Variants in ISM1 observed in about 807,000 individuals in gnomAD.
ISM1 encodes the protein isthmin 1, also known as isthmin-1.
Under a neutral mutation model 46.3 loss-of-function variants are expected in ISM1, and 25 were observed. That is an observed-to-expected ratio of 0.54 (90% CI 0.39 to 0.75). The LOEUF (loss-of-function observed/expected upper bound fraction) is 0.75, where lower values mean the gene tolerates loss of function less well. ISM1 is among the 30% of genes least tolerant of loss of function. The pLI is 0.00. For synonymous variants in ISM1, 255 were observed against 256.7 expected, an observed-to-expected ratio of 0.99 and a Z score of 0.06; for missense variants, 536 against 625.4, an observed-to-expected ratio of 0.86 and a Z score of 1.52.
In ISM1 at chr20:13,299,332, G is replaced by A. The variant is rs1272328199; in HGVS notation, c.1268G>A (p.Trp423Ter). 2 of 1,613,946 alleles carry A rather than the reference G, an allele frequency of 1.2e-6. No homozygotes were observed. The highest frequency in any genetic ancestry group is 8.5e-7 in the Non-Finnish European group (1 of 1,179,878). The change falls in exon 6 of 6, where the codon TGG (tryptophan) becomes TAG (stop). Residue 423 changes from tryptophan (W) to a stop codon, truncating the protein, a stop_gained. Transcript: ENST00000262487. LOFTEE classifies it high-confidence loss of function. This position sits in a 1 kb window ranked among gnomAD's most constrained non-coding sequence, Gnocchi z 5.8. Reference sequence around the variant, plus strand: ...CACTACAAGGTGGACGTCCTGCCCTGGATTATCTGCAAGGGTGACTGGAGC... The same window carrying A: ...CACTACAAGGTGGACGTCCTGCCCTAGATTATCTGCAAGGGTGACTGGAGC... ...ELHYKVDVLPWIICKGDWSRY... is the reference protein window; with the variant it reads ...ELHYKVDVLP
In ISM1 at chr20:13,269,164, A is replaced by G. The variant is rs76744544; in HGVS notation, c.139-1340A>G. 5.3e-3 allele frequency among the ~76,000 whole-genome samples: 803 copies of G among 152,278 alleles called. 4 individuals carry two copies. Among genetic ancestry groups the G allele is most frequent in the Non-Finnish European group, 9.1e-3 (620 of 68,022 alleles). ...CCAAACCCCAAAACATGCCCAAGAA[A>G]AACAAGAACATTAACCACTGACCCA... is the stretch of plus-strand genomic sequence containing the variant. On this transcript the variant is annotated intron_variant, in intron 1 of 5. Coordinates refer to ENST00000262487, the MANE Select transcript of ISM1 (RefSeq NM_080826.2).
the ISM1 span, among the ~76,000 whole-genome samples, chr20:13,326,105 G>A: frequency 6.6e-6 from 1 of 152,144 alleles, no homozygotes; most frequent in Non-Finnish European, 1.5e-5. Context: ...CTCAGCATAA[G>A]GCCTTTGAGA....
chr20:13,304,443 T>C (rs886554444), downstream of ISM1, among the ~76,000 whole-genome samples: 1 of 152,148 alleles, frequency 6.6e-6, no homozygotes, highest in Non-Finnish European at 1.5e-5. Flanking sequence ...GTCTATAAAT[T>C]GGGGTAAGTC....
chr20:13,298,775 G>C (rs1253459114), intron 5 of ISM1, among the ~76,000 whole-genome samples, 167 bp from the exon 6 acceptor site: 1 of 152,158 alleles, frequency 6.6e-6, no homozygotes, highest in African/African-American at 2.4e-5. Flanking sequence ...CCAGGGGGCT[G>C]CAGGGGTGTC....
At chr20:13,298,024 T>G (rs888659205) in intron 5 of ISM1, among the ~76,000 whole-genome samples, 1 of 152,154 alleles carries the variant, frequency 6.6e-6, no homozygotes, top group African/African-American at 2.4e-5. Context: ...CAAAACTGAG[T>G]CCTATAAATC....
intron 5 of ISM1, among the ~76,000 whole-genome samples, chr20:13,297,819 A>G (rs971794253): frequency 1.3e-5 from 2 of 152,230 alleles, no homozygotes; most frequent in African/African-American, 4.8e-5. Context: ...AAAGAACCAA[A>G]CACAACCCTT....
intron 1 of ISM1, among the ~76,000 whole-genome samples, chr20:13,237,357 T>C (rs1229339627): frequency 1.3e-5 from 2 of 152,164 alleles, no homozygotes; most frequent in African/African-American, 4.8e-5. Flanking sequence ...ATCAACAGAA[T>C]GGATAATAAG....
At chr20:13,305,509 T>C (rs117938006), downstream of ISM1, among the ~76,000 whole-genome samples, 616 of 152,352 alleles carry the variant, frequency 4.0e-3, no homozygotes, top group Non-Finnish European at 7.2e-3. Flanking sequence ...GTCATTCATT[T>C]ACAATTTCCA....
intron 1 of ISM1, among the ~76,000 whole-genome samples, chr20:13,249,034 C>A (rs1313674280): frequency 6.6e-6 from 1 of 152,184 alleles, no homozygotes; most frequent in Non-Finnish European, 1.5e-5. Flanking sequence ...GTTCAGGCCC[C>A]ACGTACATGT....
rs767983720 is a variant in ISM1, at chr20:13,270,635, G to A, written c.270G>A (p.Thr90=). 109 of 1,613,812 alleles carry A rather than the reference G, an allele frequency of 6.8e-5. No homozygotes were observed. In the Admixed American group the frequency reaches 1.6e-3, roughly 23 times the overall value. ...CCAGACCGCGATTCCGACAAGAGACGGGGCACCCTTCATTGCAAAGAGATT... is the reference window on the plus strand; with the variant it reads ...CCAGACCGCGATTCCGACAAGAGACAGGGCACCCTTCATTGCAAAGAGATT... The part of the protein sequence containing the change: ...PFPRPRFRQE[T]GHPSLQRDFP... The change falls in exon 2 of 6, where the codon ACG becomes ACA. Residue 90 remains threonine, a synonymous_variant. Coordinates refer to ENST00000262487, the MANE Select transcript of ISM1 (RefSeq NM_080826.2).
At chr20:13,298,331 T>C (rs1411148682) in intron 5 of ISM1, among the ~76,000 whole-genome samples, 2 of 152,104 alleles carry the variant, frequency 1.3e-5, no homozygotes, top group African/African-American at 4.8e-5. Context: ...GGTCTTAAAC[T>C]CCTGACCTCA....
At chr20:13,289,407 C>T (rs1006304321) in intron 4 of ISM1, among the ~76,000 whole-genome samples, 2 of 152,146 alleles carry the variant, frequency 1.3e-5, no homozygotes, top group African/African-American at 2.4e-5. Flanking sequence ...CAACCTGGGG[C>T]GTCTTGGTAG....
At chr20:13,269,089 G>C (rs894140062) in intron 1 of ISM1, among the ~76,000 whole-genome samples, 3 of 152,160 alleles carry the variant, frequency 2.0e-5, no homozygotes, top group African/African-American at 7.2e-5. Context: ...GAGGCACTGT[G>C]GTGGGGGGCA....
intron 1 of ISM1, among the ~76,000 whole-genome samples, chr20:13,229,175 A>T (rs566210924): frequency 6.6e-6 from 1 of 150,936 alleles, no homozygotes; most frequent in South Asian, 2.1e-4. Flanking sequence ...AAAGTTTTTT[A>T]AAACTACATA....
chr20:13,291,036 G>A (rs1250044062), intron 4 of ISM1, among the ~76,000 whole-genome samples: 1 of 152,206 alleles, frequency 6.6e-6, no homozygotes, highest in Non-Finnish European at 1.5e-5. Flanking sequence ...TTGAAGTCAA[G>A]GTTTGGGGGC....
the ISM1 span, among the ~76,000 whole-genome samples, chr20:13,307,159 T>G: frequency 6.6e-6 from 1 of 152,206 alleles, no homozygotes; most frequent in Non-Finnish European, 1.5e-5. Flanking sequence ...CTTCACTATG[T>G]CTACACAGCA....
intron 1 of ISM1, among the ~76,000 whole-genome samples, chr20:13,230,770 A>C (rs188875902): frequency 3.3e-5 from 5 of 152,302 alleles, no homozygotes; most frequent in South Asian, 4.1e-4. Context: ...AGAAAAGAAA[A>C]AAAAACCTCA....
chr20:13,285,441 C>T (rs1396523836), intron 3 of ISM1, among the ~76,000 whole-genome samples: 7 of 152,222 alleles, frequency 4.6e-5, no homozygotes, highest in Admixed American at 4.6e-4. Context: ...TTAGGCTGGC[C>T]TCACTCACAA....
chr20:13,321,753 TA>T, the ISM1 span, among the ~76,000 whole-genome samples: 1 of 152,224 alleles, frequency 6.6e-6, no homozygotes, highest in African/African-American at 2.4e-5. Flanking sequence ...ATGTACATAT[TA>T]AAAAGTAGCG....
Sources: allele counts gnomAD v4.1 joint callset (sites outside exome capture counted in the v4.1 genomes callset), GRCh38; gene constraint gnomAD v4.1.1; non-coding constraint Gnocchi (gnomAD v3.1); transcripts MANE v1.5; gene names NCBI Gene and HGNC (gene_info 2026-07-23, HGNC 2026-07-21).